The following PGAP3 variants were observed in gnomAD, a reference collection of about 807,000 sequenced individuals.
PGAP3 encodes post-GPI attachment to proteins phospholipase 3, also known as GPI-specific phospholipase A2-like PGAP3.
A neutral mutation model predicts 40.3 loss-of-function variants in PGAP3; 31 were observed. That is an observed-to-expected ratio of 0.77 (90% CI 0.58 to 1.04). The LOEUF (loss-of-function observed/expected upper bound fraction) is 1.04. PGAP3 is among the 50% of genes least tolerant of loss of function. The pLI, the probability that PGAP3 is intolerant of heterozygous loss-of-function variation, is 0.00. For missense variants in PGAP3, 413 were observed against 423.0 expected (o/e 0.98, Z 0.21); for synonymous variants, 191 against 184.5 (o/e 1.04, Z -0.29).
rs2057589741 is a variant in PGAP3, at chr17:39,687,880, AG to A, written c.134del (p.Ala45ValfsTer2). Reference sequence around the variant, plus strand: ...GCTGGCGGGAGCGGAAGTGATTCAGAGCGCCCCCAGAGCAGTTCTGCTCTTC... The same window carrying A: ...GCTGGCGGGAGCGGAAGTGATTCAGACGCCCCCAGAGCAGTTCTGCTCTTC... ...QCEEQNCSGG[A>X]LNHFRSRQPI... On this transcript the variant is annotated frameshift_variant, in exon 1 of 8. Transcript: ENST00000300658. LOFTEE classifies it high-confidence loss of function. 1 of 1,504,390 alleles carries A rather than the reference AG, an allele frequency of 6.6e-7. No homozygotes were observed. The highest frequency in any genetic ancestry group is 1.2e-5 in the South Asian group (1 of 80,090). 93.2% of individuals were successfully genotyped at this position (1,504,390 alleles called of 1,614,324 possible). A position where few individuals can be genotyped will look rare whatever the true frequency, so the allele number is the denominator to read the frequency against.
chr17:39,685,641 C>T (rs1449977369), intron 2 of PGAP3, among the ~76,000 whole-genome samples: 1 of 152,142 alleles, frequency 6.6e-6, no homozygotes, highest in Non-Finnish European at 1.5e-5. Flanking sequence ...GAATTTGTCC[C>T]TGCAGTAAGG....
At chr17:39,683,643 G>A (rs546360814) in intron 3 of PGAP3, among the ~76,000 whole-genome samples, 7 of 152,224 alleles carry the variant, frequency 4.6e-5, no homozygotes, top group South Asian at 2.1e-4. Flanking sequence ...AGAGACATCC[G>A]TTGCAACCTT....
At chr17:39,678,527 G>A (rs2057402470) in intron 3 of PGAP3, among the ~76,000 whole-genome samples, 1 of 152,258 alleles carries the variant, frequency 6.6e-6, no homozygotes, top group Non-Finnish European at 1.5e-5. Context: ...TCTTGTGCCA[G>A]CGTTATCATG....
intron 3 of PGAP3, among the ~76,000 whole-genome samples, 198 bp downstream of exon 3, chr17:39,684,399 G>C (rs1172068252): frequency 6.6e-6 from 1 of 152,144 alleles, no homozygotes; most frequent in Non-Finnish European, 1.5e-5. Flanking sequence ...CTGACCTAGG[G>C]CTCTGCTGGA....
In PGAP3 at chr17:39,672,564, A is replaced by G; in HGVS notation, c.*239T>C. 1.7e-6 allele frequency: 1 copy of G among 582,940 alleles called. No homozygotes were observed. Among genetic ancestry groups the G allele is most frequent in the Non-Finnish European group, 3.1e-6 (1 of 325,848 alleles). 36.1% of individuals were successfully genotyped at this position (582,940 alleles called of 1,614,324 possible). The stretch of plus-strand genomic sequence containing the variant: ...CTCAGTTCCACCCCAGTTCAGCTCC[A>G]GGAGGTAGAGGGGCTGCCCACTCTC... On this transcript the variant is annotated 3_prime_UTR_variant, in exon 8 of 8. Transcript: ENST00000300658.
chr17:39,687,726 A>C, intron 1 of PGAP3, 108 bp downstream of exon 1: 1 of 878,162 alleles, frequency 1.1e-6, no homozygotes. Flanking sequence ...CACATTCATA[A>C]GAGACCTCGT....
At chr17:39,673,858 G>T in intron 5 of PGAP3, 135 bp downstream of exon 5, 1 of 1,248,310 alleles carries the variant, frequency 8.0e-7, no homozygotes. Context: ...CCTCACCCAG[G>T]ACAGCTGATG....
chr17:39,686,117 G>T, intron 1 of PGAP3, 98 bp from the exon 2 acceptor site: 2 of 984,764 alleles, frequency 2.0e-6, no homozygotes, highest in Non-Finnish European at 3.1e-6. Context: ...AAGAGGGCCT[G>T]TAAGTTGGAG....
Position 39,672,875 on chromosome 17 carries a change from C to T in PGAP3, c.900-9G>A, listed in dbSNP as rs769331676. 9 of 1,613,742 alleles carry T rather than the reference C, an allele frequency of 5.6e-6. No homozygotes were observed. The highest frequency in any genetic ancestry group is 2.2e-5 in the South Asian group (2 of 91,052). On this transcript the variant is annotated splice_polypyrimidine_tract_variant and intron_variant, in intron 7 of 7. Transcript: ENST00000300658. Reference sequence around the variant, plus strand: ...TGTCATCTTCCAGAAAGCTGTGGGCCAAAGGAGTAGCCCATTGAGGCACAC... The same window carrying T: ...TGTCATCTTCCAGAAAGCTGTGGGCTAAAGGAGTAGCCCATTGAGGCACAC...
At chr17:39,673,888 T>G in intron 5 of PGAP3, 105 bp downstream of exon 5, 1 of 1,374,964 alleles carries the variant, frequency 7.3e-7, no homozygotes, top group Non-Finnish European at 1.0e-6. Context: ...TTGGGGGGCG[T>G]AGGTGTTGGG....
intron 4 of PGAP3, 98 bp from the exon 5 acceptor site, chr17:39,674,152 T>A: frequency 8.2e-7 from 1 of 1,222,438 alleles, no homozygotes; most frequent in African/African-American, 1.5e-5. Flanking sequence ...GGGGCCGGGG[T>A]CCTGGGCCTG....
chr17:39,672,575 G>A lies in PGAP3; in HGVS notation c.*228C>T. On this transcript the variant is annotated 3_prime_UTR_variant, in exon 8 of 8. Transcript: ENST00000300658. ...CCCAGTTCAGCTCCAGGAGGTAGAG[G>A]GGCTGCCCACTCTCGAGTCCCAGAT... 1.7e-6 allele frequency: 1 copy of A among 594,320 alleles called. No homozygotes were observed. The highest frequency in any genetic ancestry group is 3.0e-6 in the Non-Finnish European group (1 of 332,960). 36.8% of individuals were successfully genotyped at this position (594,320 alleles called of 1,614,324 possible).
At chr17:39,673,840 C>T (rs1413858189) in intron 5 of PGAP3, 153 bp downstream of exon 5, 24 of 1,208,984 alleles carry the variant, frequency 2.0e-5, no homozygotes, top group South Asian at 7.1e-5. Context: ...CCAGTCCTAC[C>T]CCAGAGTCCT....
intron 3 of PGAP3, among the ~76,000 whole-genome samples, chr17:39,682,077 T>A (rs1333125479): frequency 6.6e-6 from 1 of 150,664 alleles, no homozygotes; most frequent in East Asian, 1.9e-4. Flanking sequence ...ACACAAAAAA[T>A]TAGCCAGGTG....
rs1017397801 is a variant in PGAP3, at chr17:39,688,030, C to G, written c.-16G>C. The stretch of plus-strand genomic sequence containing the variant: ...GGCCGGCCATCCTTTCTCCCTGGCT[C>G]GCCGCCGGGGGAGGAGCTTAGGAGT... On this transcript the variant is annotated 5_prime_UTR_variant, in exon 1 of 8. Transcript: ENST00000300658. The G allele has an allele frequency of 1.5e-6, 2 of 1,378,524 alleles. No individual in the cohort carries two copies. The highest frequency in any genetic ancestry group is 3.2e-5 in the Admixed American group (1 of 31,742). The allele number at this position is 1,378,524 out of a possible 1,614,324, so 85.4% of individuals were successfully genotyped here. A position where few individuals can be genotyped will look rare whatever the true frequency, so the allele number is the denominator to read the frequency against.
chr17:39,674,952 G>A (rs1239310249), intron 3 of PGAP3, among the ~76,000 whole-genome samples: 1 of 152,174 alleles, frequency 6.6e-6, no homozygotes, highest in Non-Finnish European at 1.5e-5. Context: ...ACCAGTTCCG[G>A]TATAGCCAAG....
Position 39,673,428 on chromosome 17 carries a change from C to T in PGAP3, c.694+86G>A, listed in dbSNP as rs139933645. On this transcript the variant is annotated intron_variant, in intron 6 of 7. Coordinates refer to ENST00000300658, the MANE Select transcript of PGAP3 (RefSeq NM_033419.5). ...CTCTACCCCAAGAGTCTCTCTAGAA[C>T]CTCCTTCTCCAGGAATGGCACCAAC... is the stretch of plus-strand genomic sequence containing the variant. 1.1e-4 allele frequency: 183 copies of T among 1,591,568 alleles called. No individual in the cohort carries two copies. In the East Asian group the frequency reaches 3.7e-3, roughly 32 times the overall value.
intron 2 of PGAP3, among the ~76,000 whole-genome samples, chr17:39,685,189 A>G (rs1477069697): frequency 6.6e-6 from 1 of 151,970 alleles, no homozygotes; most frequent in Non-Finnish European, 1.5e-5. Context: ...ATTGAAACGT[A>G]CCAGCAGGCC....
At chr17:39,686,110 A>G in intron 1 of PGAP3, 91 bp from the exon 2 acceptor site, 1 of 1,081,504 alleles carries the variant, frequency 9.2e-7, no homozygotes, top group Non-Finnish European at 1.4e-6. Context: ...GTAGGCCAAG[A>G]GGGCCTGTAA....
Sources: gnomAD v4.1 joint callset for allele counts (sites outside exome capture counted in the v4.1 genomes callset) on GRCh38, gnomAD v4.1.1 for gene constraint, MANE v1.5 for transcripts, NCBI Gene and HGNC (gene_info 2026-07-23, HGNC 2026-07-21) for gene names.